Variants in DFFB observed in about 807,000 individuals in gnomAD.
DFFB encodes DNA fragmentation factor 40 kDa subunit.
DFFB carries 29 observed loss-of-function variants against 32.7 expected under a neutral mutation model. The observed-to-expected ratio is 0.89, with a 90% CI of 0.66 to 1.21. The LOEUF is 1.21. Among genes scored for constraint, DFFB ranks in the 50% most tolerant of loss-of-function variants. DFFB has a pLI of 0.00. For synonymous variants in DFFB, 170 were observed against 177.1 expected (o/e 0.96, Z 0.32); for missense variants, 398 against 440.6 (o/e 0.90, Z 0.87).
intron 6 of DFFB, among the ~76,000 whole-genome samples, chr1:3,878,538 C>T (rs568684110): frequency 3.9e-5 from 6 of 152,280 alleles, no homozygotes; most frequent in East Asian, 3.9e-4. Flanking sequence ...CCCACCATGC[C>T]GCATCTTCAC....
intron 2 of DFFB, among the ~76,000 whole-genome samples, chr1:3,863,919 G>A (rs1289184862): frequency 6.6e-6 from 1 of 152,136 alleles, no homozygotes; most frequent in Admixed American, 6.5e-5. Flanking sequence ...GGATGTGGCT[G>A]CACAACTCTG....
At position 3,878,154 on chromosome 1, in the gene DFFB, CT is replaced by C. The variant is rs60515976; in HGVS notation, c.783-5338del. On this transcript the variant is annotated intron_variant, in intron 6 of 6. Coordinates refer to ENST00000378209, the MANE Select transcript of DFFB (RefSeq NM_004402.4). ...GCCATGATGGCTACTCAGTGAATAT[CT>C]TTTTTTTTTTTTTTGAGACGGAGTC... Among the ~76,000 whole-genome samples the C allele has an allele frequency of 6.3e-3, 897 of 141,594 alleles. 3 individuals carry two copies. Among genetic ancestry groups the C allele is most frequent in the African/African-American group, 0.017 (638 of 38,624 alleles). The allele number at this position is 141,594 out of a possible 152,430, so 92.9% of individuals were successfully genotyped here. A position where few individuals can be genotyped will look rare whatever the true frequency, so the allele number is the denominator to read the frequency against.
intron 2 of DFFB, among the ~76,000 whole-genome samples, chr1:3,860,244 A>G (rs1256440522): frequency 6.6e-6 from 1 of 151,284 alleles, no homozygotes; most frequent in Non-Finnish European, 1.5e-5. Context: ...TTTTTGTTTT[A>G]TTTATATTTT....
Position 3,884,744 on chromosome 1 carries a change from T to A in DFFB, c.*1003T>A, listed in dbSNP as rs1489745985. On this transcript the variant is annotated 3_prime_UTR_variant, in exon 7 of 7. Coordinates refer to ENST00000378209, the MANE Select transcript of DFFB (RefSeq NM_004402.4). ...TACCACCAGGGCCAGCTAATTTTTG[T>A]ATGTTTAGTAGAAACGGGGTTTCAC... 1 of 152,186 alleles carries A rather than the reference T, an allele frequency of 6.6e-6. No homozygotes were observed. The highest frequency in any genetic ancestry group is 1.5e-5 in the Non-Finnish European group (1 of 68,064). The allele number at this position is 152,186 out of a possible 1,614,324, so 9.4% of individuals were successfully genotyped here.
rs1042179295 is a variant in DFFB at position 3,865,142 on chromosome 1, C to T, written c.242-670C>T. Among the ~76,000 whole-genome samples the T allele has an allele frequency of 1.3e-5, 2 of 151,842 alleles. No individual in the cohort carries two copies. The highest frequency in any genetic ancestry group is 4.8e-5 in the African/African-American group (2 of 41,316). ...CAGTGTGTTGATTTTCTCTTTTACG[C>T]AGTGCTTTTGATGTTAGGTCTAAGG... On this transcript the variant is annotated intron_variant, in intron 2 of 6. Transcript: ENST00000378209. The surrounding 1 kb of genome is among the most constrained non-coding windows in gnomAD (Gnocchi z 4.7).
chr1:3,868,139 G>A (rs1008040535), intron 4 of DFFB, 86 bp downstream of exon 4: 1 of 1,190,334 alleles, frequency 8.4e-7, no homozygotes, highest in Non-Finnish European at 1.3e-6. Flanking sequence ...CCTCACGATG[G>A]GTAGTTGGTA....
At chr1:3,869,491 C>A in intron 4 of DFFB, 114 bp from the exon 5 acceptor site, 1 of 1,136,048 alleles carries the variant, frequency 8.8e-7, no homozygotes, top group Non-Finnish European at 1.3e-6. Context: ...CCTCTGACCA[C>A]AGGACTGGGC....
At chr1:3,875,979 A>G (rs1429438486) in intron 6 of DFFB, among the ~76,000 whole-genome samples, 7 of 152,064 alleles carry the variant, frequency 4.6e-5, no homozygotes, top group Admixed American at 4.6e-4. Context: ...GGGTTTTGCC[A>G]TGTTGGCCAG....
chr1:3,876,153 C>T (rs1645217561), intron 6 of DFFB, among the ~76,000 whole-genome samples: 1 of 152,176 alleles, frequency 6.6e-6, no homozygotes, highest in South Asian at 2.1e-4. Context: ...CCCTGTCTAT[C>T]CGAAAGAGAT....
intron 5 of DFFB, 128 bp downstream of exon 5, chr1:3,869,903 C>G: frequency 2.0e-6 from 2 of 982,128 alleles, no homozygotes; most frequent in East Asian, 5.4e-5. Context: ...GAGGTACAGC[C>G]CTCACATTCC....
Position 3,883,853 on chromosome 1 carries a change from T to G in DFFB, c.*112T>G. 1 of 766,802 alleles carries G rather than the reference T, an allele frequency of 1.3e-6. No individual in the cohort carries two copies. The highest frequency in any genetic ancestry group is 2.1e-6 in the Non-Finnish European group (1 of 468,098). 47.5% of individuals were successfully genotyped at this position (766,802 alleles called of 1,614,324 possible). On this transcript the variant is annotated 3_prime_UTR_variant, in exon 7 of 7. Coordinates refer to ENST00000378209, the MANE Select transcript of DFFB (RefSeq NM_004402.4). Reference sequence around the variant, plus strand: ...TTTTTTTGGTCACTCCAGTAGCTCCTGGAAAAAACCTTAAAAAATGTTTCC... The same window carrying G: ...TTTTTTTGGTCACTCCAGTAGCTCCGGGAAAAAACCTTAAAAAATGTTTCC...
chr1:3,858,351 C>T (rs184137646), intron 1 of DFFB, among the ~76,000 whole-genome samples: 1 of 152,222 alleles, frequency 6.6e-6, no homozygotes, highest in Non-Finnish European at 1.5e-5. Flanking sequence ...CAGCACCGCT[C>T]TGGCGGCTGT....
chr1:3,858,473 A>T (rs941393478), intron 1 of DFFB, among the ~76,000 whole-genome samples: 13 of 152,222 alleles, frequency 8.5e-5, no homozygotes, highest in Non-Finnish European at 1.9e-4. Context: ...AATCCTGCAG[A>T]GCCAGCAGTC....
chr1:3,863,368 T>A (rs1644914305), intron 2 of DFFB, among the ~76,000 whole-genome samples: 1 of 152,084 alleles, frequency 6.6e-6, no homozygotes, highest in South Asian at 2.1e-4. Context: ...TAACAACCAG[T>A]GTGGGCGAGG....
intron 6 of DFFB, among the ~76,000 whole-genome samples, chr1:3,875,816 G>T (rs555022549): frequency 6.6e-6 from 1 of 151,940 alleles, no homozygotes; most frequent in South Asian, 2.1e-4. Flanking sequence ...TCACTCTGTC[G>T]CCCAGGCTGG....
intron 3 of DFFB, among the ~76,000 whole-genome samples, chr1:3,867,277 C>T (rs1160509738): frequency 6.6e-6 from 1 of 152,192 alleles, no homozygotes; most frequent in Non-Finnish European, 1.5e-5. Context: ...CGTGTACATA[C>T]CCCACTCTGT....
chr1:3,867,841 A>C, intron 3 of DFFB, 133 bp from the exon 4 acceptor site: 1 of 788,172 alleles, frequency 1.3e-6, no homozygotes, highest in Non-Finnish European at 2.2e-6. Context: ...GGACAGAGCA[A>C]GACCCTGTCA....
intron 1 of DFFB, among the ~76,000 whole-genome samples, chr1:3,858,282 A>T (rs1352209431): frequency 1.3e-5 from 2 of 152,208 alleles, no homozygotes; most frequent in Non-Finnish European, 2.9e-5. Context: ...ACAAATTAAC[A>T]GTGCCACGTG....
At chr1:3,861,532 G>T (rs1009248069) in intron 2 of DFFB, among the ~76,000 whole-genome samples, 19 of 152,206 alleles carry the variant, frequency 1.2e-4, no homozygotes, top group Admixed American at 1.2e-3. Flanking sequence ...GGGCTCAAGC[G>T]ATCCTCCTAC....
Sources: gnomAD v4.1 joint callset for allele counts (sites outside exome capture counted in the v4.1 genomes callset) on GRCh38, gnomAD v4.1.1 for gene constraint, Gnocchi (gnomAD v3.1) non-coding constraint, MANE v1.5 for transcripts, NCBI Gene and HGNC (gene_info 2026-07-23, HGNC 2026-07-21) for gene names.